CDH26: variants seen among roughly 807,000 people sequenced by gnomAD.
CDH26 encodes cadherin-like protein 26.
Under a neutral mutation model 90.3 loss-of-function variants are expected in CDH26, and 83 were observed. That is an observed-to-expected ratio of 0.92 (90% confidence interval 0.77 to 1.10). The LOEUF (loss-of-function observed/expected upper bound fraction) is 1.10. Among genes scored for constraint, CDH26 ranks in the 50% least tolerant of loss-of-function variants. The pLI, the probability that CDH26 is intolerant of heterozygous loss-of-function variation, is 0.00. For missense variants in CDH26, 1,013 were observed against 1,037.6 expected (o/e 0.98, Z 0.33); for synonymous variants, 397 against 396.3 (o/e 1.00, Z -0.02).
At chr20:60,016,537 A>G (rs2061906831), downstream of CDH26, among the ~76,000 whole-genome samples, 2 of 152,114 alleles carry the variant, frequency 1.3e-5, no homozygotes, top group Admixed American at 6.5e-5. Flanking sequence ...TTTTCTATAT[A>G]TGAGATTATG....
downstream of CDH26, among the ~76,000 whole-genome samples, chr20:60,035,819 G>A (rs2062078022): frequency 6.6e-6 from 1 of 151,858 alleles, no homozygotes; most frequent in African/African-American, 2.4e-5. Context: ...TCTCTCTCCT[G>A]CCACCTTGTG....
exon 9 of CDH26, chr20:60,033,516 G>T: frequency 1.5e-6 from 2 of 1,304,344 alleles, no homozygotes; most frequent in Non-Finnish European, 2.0e-6. Context: ...AGAAAGCAAA[G>T]GAGCCACTTG....
chr20:59,984,926 A>G (rs2061434712), intron 6 of CDH26, 75 bp from the exon 7 acceptor site: 1 of 1,575,410 alleles, frequency 6.3e-7, no homozygotes, highest in African/African-American at 1.4e-5. Flanking sequence ...TGAAATTCCT[A>G]AACAGAATAT....
intron 7 of CDH26, among the ~76,000 whole-genome samples, chr20:60,021,036 A>C (rs1425074721): frequency 6.6e-6 from 1 of 152,186 alleles, no homozygotes; most frequent in East Asian, 1.9e-4. Flanking sequence ...CGTCACAGGT[A>C]CTTCTCCATT....
intron 7 of CDH26, among the ~76,000 whole-genome samples, chr20:60,027,096 G>T (rs1305852968): frequency 6.6e-6 from 1 of 152,162 alleles, no homozygotes; most frequent in Non-Finnish European, 1.5e-5. Context: ...GGGGCAGTAG[G>T]TGGTCACTTA....
intron 17 of CDH26, among the ~76,000 whole-genome samples, chr20:60,008,820 G>A (rs2061788636): frequency 6.6e-6 from 1 of 152,204 alleles, no homozygotes; most frequent in Non-Finnish European, 1.5e-5. Context: ...CCTTAGCCCT[G>A]CAGAATGGGT....
chr20:60,028,205 T>C (rs1466915669), intron 7 of CDH26, among the ~76,000 whole-genome samples: 2 of 152,226 alleles, frequency 1.3e-5, no homozygotes, highest in African/African-American at 4.8e-5. Context: ...ACACCTGTTC[T>C]CCTCTTCCCA....
At chr20:59,977,956 G>A (rs1244889132) in intron 4 of CDH26, among the ~76,000 whole-genome samples, 1 of 152,136 alleles carries the variant, frequency 6.6e-6, no homozygotes, top group Non-Finnish European at 1.5e-5. Flanking sequence ...GCAACCACTG[G>A]TCTTTTTACT....
chr20:59,963,115 G>C (rs1438759430), intron 1 of CDH26, among the ~76,000 whole-genome samples: 1 of 152,132 alleles, frequency 6.6e-6, no homozygotes, highest in African/African-American at 2.4e-5. Flanking sequence ...GGGCTGTTGT[G>C]AGGATCAAAT....
downstream of CDH26, among the ~76,000 whole-genome samples, chr20:60,018,095 A>C (rs2061920682): frequency 6.6e-6 from 1 of 152,022 alleles, no homozygotes; most frequent in Admixed American, 6.5e-5. Context: ...TGTTGAGTGA[A>C]ATGTTCTGTA....
At chr20:59,995,364 C>T (rs1292895771) in intron 11 of CDH26, among the ~76,000 whole-genome samples, 1 of 152,116 alleles carries the variant, frequency 6.6e-6, no homozygotes, top group East Asian at 1.9e-4. Context: ...CACCAGGTTG[C>T]CTGACCAAGC....
At chr20:59,967,957 ATCTTTCTTTCTTTCTTTCTTTCTTTCTT>A (rs1162039272) in intron 1 of CDH26, among the ~76,000 whole-genome samples, 3 of 59,564 alleles carry the variant, frequency 5.0e-5, no homozygotes, top group African/African-American at 1.7e-4. Context: ...CTTTCTTTCT[ATCTTTCTTTCTTTCTTTCTTTCTTTCTT>A]TCTTTCTTTC....
chr20:60,004,318 A>C (rs1046975880), intron 16 of CDH26, among the ~76,000 whole-genome samples: 2 of 152,202 alleles, frequency 1.3e-5, no homozygotes, highest in African/African-American at 4.8e-5. Flanking sequence ...ATCACTGTGT[A>C]AACTTCATAA....
chr20:59,960,141 C>A (rs538481920), intron 1 of CDH26, among the ~76,000 whole-genome samples: 32 of 152,258 alleles, frequency 2.1e-4, no homozygotes, highest in Middle Eastern at 3.4e-3. Context: ...GTTGAACTTA[C>A]CTAGGGAGCT....
At chr20:59,973,443 T>C (rs952123613) in intron 4 of CDH26, among the ~76,000 whole-genome samples, 1 of 152,220 alleles carries the variant, frequency 6.6e-6, no homozygotes, top group African/African-American at 2.4e-5. Context: ...AGGTTTGTTA[T>C]ATAGGTAAAC....
chr20:59,969,865 A>C (rs567377675), intron 2 of CDH26, among the ~76,000 whole-genome samples: 1 of 152,196 alleles, frequency 6.6e-6, no homozygotes, highest in Non-Finnish European at 1.5e-5. Flanking sequence ...AACCACGTCA[A>C]ATCATCGGAC....
intron 7 of CDH26, among the ~76,000 whole-genome samples, chr20:60,020,418 C>G (rs1481454458): frequency 6.6e-6 from 1 of 152,154 alleles, no homozygotes; most frequent in Non-Finnish European, 1.5e-5. Flanking sequence ...GTTTGGCTGG[C>G]TTAAGAGTGG....
chr20:59,994,594 G>C (rs2061569089), intron 11 of CDH26, 105 bp downstream of exon 11: 3 of 1,413,420 alleles, frequency 2.1e-6, no homozygotes, highest in Non-Finnish European at 1.9e-6. Flanking sequence ...AACCGGAGAG[G>C]TCTGCGTTCT....
Position 60,014,004 on chromosome 20 carries a change from G to T in CDH26, c.*1274G>T, listed in dbSNP as rs1019655239. The T allele has an allele frequency of 4.2e-5, 5 of 118,388 alleles. No individual in the cohort carries two copies. The highest frequency in any genetic ancestry group is 1.1e-4 in the African/African-American group (4 of 37,554). The allele number at this position is 118,388 out of a possible 1,614,324, so 7.3% of individuals were successfully genotyped here. ...CTAGGGCATTTTCTGGGTAATTCAG[G>T]ATAAAAGTATTTTTTTTTTTAAGAA... On this transcript the variant is annotated 3_prime_UTR_variant, in exon 18 of 18. Transcript: ENST00000348616.
Sources: allele counts gnomAD v4.1 joint callset (sites outside exome capture counted in the v4.1 genomes callset), GRCh38; gene constraint gnomAD v4.1.1; transcripts MANE v1.5; gene names NCBI Gene and HGNC (gene_info 2026-07-23, HGNC 2026-07-21).